SPAG9: variants seen among roughly 807,000 people sequenced by gnomAD.
The protein encoded by SPAG9 is sperm associated antigen 9, also known as C-Jun-amino-terminal kinase-interacting protein 4.
A neutral mutation model predicts 166.5 loss-of-function variants in SPAG9; 35 were observed. That is an observed-to-expected ratio of 0.21 (90% CI 0.16 to 0.28). SPAG9 has a LOEUF of 0.28. SPAG9 is among the 10% of genes least tolerant of loss of function. The pLI is 1.00. For missense variants in SPAG9, 1,235 were observed against 1,603.3 expected (o/e 0.77, Z 3.92); for synonymous variants, 534 against 565.5 (o/e 0.94, Z 0.79).
chr17:51,056,562 C>T (rs1354116370), intron 2 of SPAG9, 80 bp from the exon 3 acceptor site: 6 of 868,630 alleles, frequency 6.9e-6, no homozygotes, highest in Non-Finnish European at 7.7e-6. Context: ...TCAGAATGGG[C>T]TATCCATAAT....
chr17:51,118,972 T>A (rs2049383753), intron 1 of SPAG9, among the ~76,000 whole-genome samples: 1 of 143,776 alleles, frequency 7.0e-6, no homozygotes, highest in African/African-American at 2.6e-5. Flanking sequence ...AGGCAGAGGT[T>A]GCAGTGAGCC....
At chr17:51,107,495 T>C (rs369449019) in intron 1 of SPAG9, among the ~76,000 whole-genome samples, 114 of 152,132 alleles carry the variant, frequency 7.5e-4, no homozygotes, top group African/African-American at 2.7e-3. Context: ...TCCCAGCACT[T>C]TGGGAGGCCA....
At chr17:51,089,661 T>TACAC (rs1555658102) in intron 1 of SPAG9, among the ~76,000 whole-genome samples, 4 of 97,928 alleles carry the variant, frequency 4.1e-5, no homozygotes, top group African/African-American at 1.6e-4. Flanking sequence ...TATATATATA[T>TACAC]ATACACATAC....
chr17:50,973,900 C>T (rs1207139339), intron 28 of SPAG9, among the ~76,000 whole-genome samples: 1 of 152,232 alleles, frequency 6.6e-6, no homozygotes, highest in East Asian at 1.9e-4. Context: ...CTAGTCCCCA[C>T]AACTGTGTGA....
chr17:51,017,824 T>C (rs2045766873), intron 8 of SPAG9, among the ~76,000 whole-genome samples: 1 of 152,138 alleles, frequency 6.6e-6, no homozygotes, highest in Non-Finnish European at 1.5e-5. Flanking sequence ...AGCTGTTTTA[T>C]AAATGAGAAA....
chr17:51,020,033 GAATAT>G (rs1417601366), intron 8 of SPAG9, 121 bp downstream of exon 8: 3 of 628,194 alleles, frequency 4.8e-6, no homozygotes, highest in Admixed American at 5.9e-5. Flanking sequence ...ATAGGAATTA[GAATAT>G]AATACTAACA....
intron 2 of SPAG9, among the ~76,000 whole-genome samples, chr17:51,075,926 T>G (rs1039641455): frequency 1.3e-5 from 2 of 151,630 alleles, no homozygotes; most frequent in African/African-American, 4.8e-5. Flanking sequence ...AAGCCCTGTC[T>G]CTACTAAAAA....
chr17:51,025,981 G>A (rs981561022), intron 6 of SPAG9, among the ~76,000 whole-genome samples: 4 of 152,082 alleles, frequency 2.6e-5, no homozygotes, highest in African/African-American at 9.7e-5. Flanking sequence ...CCATTAAGAC[G>A]GCGGATTCAG....
chr17:50,999,202 C>T (rs1567980749), intron 14 of SPAG9, among the ~76,000 whole-genome samples: 2 of 152,090 alleles, frequency 1.3e-5, no homozygotes, highest in South Asian at 4.1e-4. Context: ...TCACAGTAAA[C>T]ACATAGTACT....
At position 51,100,076 on chromosome 17, in the gene SPAG9, A is replaced by G. The variant is rs186074383; in HGVS notation, c.303+20278T>C. ...GATTGTGCCACTGCACTCCAGCCTG[A>G]GCAACAGAGTGAGACTCTGTCTCCA... is the stretch of plus-strand genomic sequence containing the variant. On this transcript the variant is annotated intron_variant, in intron 1 of 29. Transcript: ENST00000262013. Among the ~76,000 whole-genome samples, 25 of 152,034 alleles carry G rather than the reference A, an allele frequency of 1.6e-4. 1 individual carries two copies. The highest frequency in any genetic ancestry group is 1.5e-3 in the Admixed American group (23 of 15,244).
At chr17:51,057,043 T>C (rs888895784) in intron 2 of SPAG9, among the ~76,000 whole-genome samples, 1 of 152,168 alleles carries the variant, frequency 6.6e-6, no homozygotes, top group African/African-American at 2.4e-5. Flanking sequence ...GATCCTGAGA[T>C]ACAGAATGTC....
chr17:51,030,416 A>C (rs373199048), intron 6 of SPAG9, among the ~76,000 whole-genome samples: 1 of 152,220 alleles, frequency 6.6e-6, no homozygotes, highest in African/African-American at 2.4e-5. Context: ...ACAAAACTAC[A>C]AACAAGTAAC....
intron 1 of SPAG9, among the ~76,000 whole-genome samples, chr17:51,118,596 C>T (rs1480088563): frequency 6.6e-6 from 1 of 152,222 alleles, no homozygotes; most frequent in Non-Finnish European, 1.5e-5. Context: ...TATATCCACA[C>T]ACTGGCAAGG....
intron 25 of SPAG9, among the ~76,000 whole-genome samples, chr17:50,981,128 C>T (rs1182676467): frequency 1.3e-5 from 2 of 152,132 alleles, no homozygotes; most frequent in Non-Finnish European, 1.5e-5. Flanking sequence ...GCTTTAAAAT[C>T]TGAAAGTGTT....
intron 18 of SPAG9, among the ~76,000 whole-genome samples, chr17:50,994,469 A>G (rs1159500718): frequency 6.6e-6 from 1 of 152,142 alleles, no homozygotes; most frequent in East Asian, 1.9e-4. Flanking sequence ...ACTAGCAGTT[A>G]GGCTGGCACA....
chr17:51,116,485 G>A (rs1288953290), intron 1 of SPAG9, among the ~76,000 whole-genome samples: 2 of 152,110 alleles, frequency 1.3e-5, no homozygotes, highest in Non-Finnish European at 2.9e-5. Flanking sequence ...ACTGGGCTGG[G>A]GCACAGTGGC....
chr17:50,971,831 G>A (rs532479740), intron 28 of SPAG9, among the ~76,000 whole-genome samples: 2 of 151,102 alleles, frequency 1.3e-5, no homozygotes, highest in Non-Finnish European at 3.0e-5. Flanking sequence ...GCAATGGCGC[G>A]ATCTCGGCTC....
chr17:51,069,214 AAT>A (rs985446020), intron 2 of SPAG9, among the ~76,000 whole-genome samples: 137 of 151,800 alleles, frequency 9.0e-4, no homozygotes, highest in Admixed American at 2.0e-3. Flanking sequence ...TCATCATTAA[AAT>A]ATATATATAT....
At chr17:51,038,889 C>T (rs2144370525) in intron 5 of SPAG9, among the ~76,000 whole-genome samples, 1 of 152,226 alleles carries the variant, frequency 6.6e-6, no homozygotes, top group South Asian at 2.1e-4. Context: ...AGAATATGTA[C>T]AAATATTTCT....
Sources: gnomAD v4.1 joint callset for allele counts (sites outside exome capture counted in the v4.1 genomes callset) on GRCh38, gnomAD v4.1.1 for gene constraint, MANE v1.5 for transcripts, NCBI Gene and HGNC (gene_info 2026-07-23, HGNC 2026-07-21) for gene names.